The following TNIP3 variants were observed in gnomAD, a reference collection of about 807,000 sequenced individuals.
TNIP3 encodes TNFAIP3-interacting protein 3.
In TNIP3, 34 loss-of-function variants were observed where a neutral mutation model predicts 54.1. The ratio of observed to expected loss-of-function variants is 0.63; its 90% CI spans 0.48 to 0.84. TNIP3 has a LOEUF of 0.84. Ranked by LOEUF, TNIP3 falls within the 40% of genes least tolerant of loss-of-function variation. The probability of loss-of-function intolerance (pLI) is 0.00; values close to 1 mark genes in which losing one functional copy is unlikely to be tolerated. For missense variants in TNIP3, 366 were observed against 387.6 expected (o/e 0.94, Z 0.47); for synonymous variants, 134 against 136.8 (o/e 0.98, Z 0.14).
intron 10 of TNIP3, chr4:121,137,372 T>C (rs1162997600): frequency 1.3e-5 from 2 of 152,242 alleles, no homozygotes; most frequent in Non-Finnish European, 2.9e-5. Flanking sequence ...TCCATTATTG[T>C]TGGAACTCAA....
At position 121,214,172 on chromosome 4, in the gene TNIP3, T is replaced by G. The variant is rs114501888; in HGVS notation, c.68+2243A>C. 5.7e-3 allele frequency among the ~76,000 whole-genome samples: 861 copies of G among 152,252 alleles called. 12 individuals carry two copies. The highest frequency in any genetic ancestry group is 0.02 in the African/African-American group (810 of 41,536). On this transcript the variant is annotated intron_variant, in intron 2 of 12. Transcript: ENST00000507879. ...CTCTCGCCTCTTGTCTTTATTCTTC[T>G]TTCCCACTTCCCTCAGACAAAGACA...
chr4:121,151,212 A>G (rs1729728422), intron 5 of TNIP3, among the ~76,000 whole-genome samples: 1 of 152,194 alleles, frequency 6.6e-6, no homozygotes, highest in Non-Finnish European at 1.5e-5. Context: ...CTCTGTACAA[A>G]TAGAAAAGGT....
chr4:121,150,260 C>T (rs1482152893), intron 5 of TNIP3, 41 bp from the exon 6 acceptor site: 3 of 1,233,872 alleles, frequency 2.4e-6, no homozygotes, highest in East Asian at 4.8e-5. Context: ...TAAGATTTAC[C>T]ACATGGAATG....
intron 3 of TNIP3, among the ~76,000 whole-genome samples, chr4:121,178,518 A>C (rs1724493196): frequency 6.6e-6 from 1 of 152,236 alleles, no homozygotes; most frequent in Admixed American, 6.5e-5. Context: ...TGGCACAGTG[A>C]GTGGTACCCA....
chr4:121,168,399 C>T (rs1730882783), upstream of TNIP3, among the ~76,000 whole-genome samples: 3 of 151,976 alleles, frequency 2.0e-5, no homozygotes, highest in Non-Finnish European at 4.4e-5. Context: ...CAGGGTTTCA[C>T]CATATTGGCC....
At chr4:121,161,585 T>C (rs1730458954) in intron 1 of TNIP3, among the ~76,000 whole-genome samples, 1 of 152,186 alleles carries the variant, frequency 6.6e-6, no homozygotes, top group Non-Finnish European at 1.5e-5. Context: ...ATATTTTAGG[T>C]ATTTTTATAG....
At chr4:121,132,983 G>C (rs1318015458) in intron 10 of TNIP3, among the ~76,000 whole-genome samples, 1 of 152,072 alleles carries the variant, frequency 6.6e-6, no homozygotes, top group Non-Finnish European at 1.5e-5. Flanking sequence ...TCATATATAT[G>C]ACTTAGGTTA....
At chr4:121,186,024 G>A (rs902736062) in intron 2 of TNIP3, among the ~76,000 whole-genome samples, 11 of 152,184 alleles carry the variant, frequency 7.2e-5, no homozygotes, top group African/African-American at 1.4e-4. Flanking sequence ...GGGGCCCTGC[G>A]TCCTCTCACG....
intron 2 of TNIP3, chr4:121,216,362 T>C (rs1331545717): frequency 1.4e-6 from 2 of 1,425,864 alleles, no homozygotes; most frequent in African/African-American, 2.8e-5. Context: ...AGAAGTGCTC[T>C]AATTAGAATA....
intron 2 of TNIP3, among the ~76,000 whole-genome samples, chr4:121,199,502 T>C (rs1433059752): frequency 1.3e-5 from 2 of 152,126 alleles, no homozygotes; most frequent in African/African-American, 4.8e-5. Context: ...CAGGGATCGA[T>C]GAATGGGAGG....
intron 2 of TNIP3, among the ~76,000 whole-genome samples, chr4:121,210,910 A>G (rs1726446450): frequency 1.3e-5 from 2 of 152,250 alleles, no homozygotes; most frequent in Non-Finnish European, 2.9e-5. Context: ...AAAACAAAGT[A>G]TGATGTAGCA....
At chr4:121,164,650 G>GT (rs1730657957), upstream of TNIP3, among the ~76,000 whole-genome samples, 1 of 152,164 alleles carries the variant, frequency 6.6e-6, no homozygotes. Context: ...CCTTCTAAAT[G>GT]TGAGTGTAGC....
chr4:121,169,567 G>T (rs188923490), intron 3 of TNIP3, among the ~76,000 whole-genome samples: 2 of 152,136 alleles, frequency 1.3e-5, no homozygotes, highest in Non-Finnish European at 2.9e-5. Context: ...GCCCAAAGTA[G>T]TGCCATTTTA....
intron 2 of TNIP3, among the ~76,000 whole-genome samples, chr4:121,195,075 G>A (rs1725503703): frequency 6.6e-6 from 1 of 152,136 alleles, no homozygotes. Flanking sequence ...GGCTGAGGCA[G>A]GAGAATTGCT....
At chr4:121,149,658 C>T (rs557376651) in intron 6 of TNIP3, among the ~76,000 whole-genome samples, 5 of 152,244 alleles carry the variant, frequency 3.3e-5, no homozygotes, top group African/African-American at 7.2e-5. Flanking sequence ...CCCAGCTACT[C>T]GGGAGGCTGA....
intron 1 of TNIP3, among the ~76,000 whole-genome samples, chr4:121,222,051 A>T (rs766702416): frequency 1.3e-5 from 2 of 152,218 alleles, no homozygotes; most frequent in Non-Finnish European, 2.9e-5. Context: ...CAGCTCTAAA[A>T]TGAGAACAGA....
At chr4:121,200,607 T>C (rs1161737210) in intron 2 of TNIP3, among the ~76,000 whole-genome samples, 1 of 150,788 alleles carries the variant, frequency 6.6e-6, no homozygotes, top group East Asian at 2.0e-4. Context: ...TCTTTTCCTA[T>C]GATAGAACAA....
At chr4:121,205,379 G>A (rs1006452079) in intron 2 of TNIP3, among the ~76,000 whole-genome samples, 1 of 152,110 alleles carries the variant, frequency 6.6e-6, no homozygotes, top group African/African-American at 2.4e-5. Context: ...TAAGAAGGGG[G>A]ATTGTAGCAG....
intron 2 of TNIP3, among the ~76,000 whole-genome samples, chr4:121,200,534 G>A (rs933985701): frequency 3.3e-5 from 5 of 152,094 alleles, no homozygotes; most frequent in Non-Finnish European, 5.9e-5. Context: ...AGAGACCCCC[G>A]AGCACACATA....
Sources: gnomAD v4.1 joint callset for allele counts (sites outside exome capture counted in the v4.1 genomes callset) on GRCh38, gnomAD v4.1.1 for gene constraint, MANE v1.5 for transcripts, NCBI Gene and HGNC (gene_info 2026-07-23, HGNC 2026-07-21) for gene names.